Variants in PEX5L observed in about 807,000 individuals in gnomAD.
PEX5L encodes the protein peroxisomal biogenesis factor 5 like.
PEX5L carries 30 observed loss-of-function variants against 84.0 expected under a neutral mutation model. The observed-to-expected ratio is 0.36, with a 90% CI of 0.27 to 0.48. PEX5L has a LOEUF of 0.48. Among genes scored for constraint, PEX5L ranks in the 20% least tolerant of loss-of-function variants. The pLI is 0.99. For synonymous variants in PEX5L, 270 were observed against 283.1 expected, an observed-to-expected ratio of 0.95 and a Z score of 0.46; for missense variants, 533 against 754.6, an observed-to-expected ratio of 0.71 and a Z score of 3.44.
chr3:179,927,857 G>C (rs1351447845), intron 2 of PEX5L, among the ~76,000 whole-genome samples: 2 of 152,060 alleles, frequency 1.3e-5, no homozygotes, highest in Non-Finnish European at 2.9e-5. Context: ...TGTTTAAATG[G>C]GGGAAGTTTT....
intron 1 of PEX5L, among the ~76,000 whole-genome samples, chr3:180,007,982 C>T (rs1172922742): frequency 6.6e-6 from 1 of 152,220 alleles, no homozygotes; most frequent in Admixed American, 6.5e-5. Context: ...TAACATTAGG[C>T]TCCTTGCTAC....
chr3:179,941,048 T>C (rs1292988648), intron 2 of PEX5L, among the ~76,000 whole-genome samples: 1 of 152,164 alleles, frequency 6.6e-6, no homozygotes, highest in Non-Finnish European at 1.5e-5. Context: ...AAGATTGAAA[T>C]GTAACAGTGG....
At chr3:179,920,131 A>G (rs747106958) in intron 2 of PEX5L, among the ~76,000 whole-genome samples, 4 of 152,182 alleles carry the variant, frequency 2.6e-5, no homozygotes. Context: ...CTGCTCTCAC[A>G]TTTATTCTCT....
chr3:179,937,299 T>C (rs1490569213), intron 2 of PEX5L, among the ~76,000 whole-genome samples: 1 of 152,184 alleles, frequency 6.6e-6, no homozygotes, highest in Non-Finnish European at 1.5e-5. Flanking sequence ...TCATTAGTTG[T>C]AACAAATGTA....
intron 1 of PEX5L, among the ~76,000 whole-genome samples, chr3:180,034,026 T>C (rs764511135): frequency 1.3e-4 from 20 of 152,230 alleles, no homozygotes; most frequent in Non-Finnish European, 2.6e-4. Context: ...GAATTAGCCA[T>C]ATGTATGAGA....
At chr3:179,956,859 C>T (rs143446671) in intron 2 of PEX5L, among the ~76,000 whole-genome samples, 5,087 of 152,184 alleles carry the variant, frequency 0.033, 118 homozygotes, top group Non-Finnish European at 0.047. Flanking sequence ...GCAGAATTCA[C>T]GGTAAGTCAG....
At chr3:180,026,133 CTTTTTTTTT>C (rs368852075) in intron 1 of PEX5L, among the ~76,000 whole-genome samples, 1 of 101,762 alleles carries the variant, frequency 9.8e-6, no homozygotes, top group Non-Finnish European at 2.0e-5. Context: ...TTTCAGCATT[CTTTTTTTTT>C]TTTTTTTTTT....
Position 179,809,669 on chromosome 3 carries a change from C to CT in PEX5L, c.1155-2dup, listed in dbSNP as rs2108783300. On this transcript the variant is annotated splice_acceptor_variant, in intron 11 of 14. Transcript: ENST00000467460. LOFTEE classifies it high-confidence loss of function. Reference sequence around the variant, plus strand: ...GTTGTTGGGCTGTAATTCTAAGCACCTGAAAAAAAAAAAGAAGCCAATTTC... The same window carrying CT: ...GTTGTTGGGCTGTAATTCTAAGCACCTTGAAAAAAAAAAAGAAGCCAATTTC... 7.0e-7 allele frequency: 1 copy of CT among 1,428,796 alleles called. No homozygotes were observed. The highest frequency in any genetic ancestry group is 9.1e-7 in the Non-Finnish European group (1 of 1,094,440). 88.5% of individuals were successfully genotyped at this position (1,428,796 alleles called of 1,614,324 possible).
intron 1 of PEX5L, among the ~76,000 whole-genome samples, chr3:180,026,486 G>T (rs1316424724): frequency 3.9e-5 from 6 of 152,102 alleles, no homozygotes; most frequent in Non-Finnish European, 8.8e-5. Context: ...GGAGGAAAAA[G>T]ATGTTCTTAT....
chr3:179,826,727 GTTTCTTTTTC>G lies in PEX5L; in HGVS notation c.823-6761_823-6752del. On this transcript the variant is annotated intron_variant, in intron 8 of 14. Coordinates refer to ENST00000467460, the MANE Select transcript of PEX5L (RefSeq NM_016559.3). ...GGAGTGGGAGTCAGTTCCTGAATGG[GTTTCTTTTTC>G]TTTAGACATGTTTACAAGTCATGAA... Among the ~76,000 whole-genome samples, 2 of 152,232 alleles carry G rather than the reference GTTTCTTTTTC, an allele frequency of 1.3e-5. 1 individual carries two copies. Among genetic ancestry groups the G allele is most frequent in the South Asian group, 4.1e-4 (2 of 4,824 alleles).
At chr3:179,985,568 T>A (rs1786735081) in intron 1 of PEX5L, among the ~76,000 whole-genome samples, 1 of 151,942 alleles carries the variant, frequency 6.6e-6, no homozygotes, top group Non-Finnish European at 1.5e-5. Context: ...ATCACCACCT[T>A]TAATCACTTC....
chr3:179,923,450 G>C (rs114520618), intron 2 of PEX5L, among the ~76,000 whole-genome samples: 5 of 152,156 alleles, frequency 3.3e-5, no homozygotes, highest in Admixed American at 3.3e-4. Flanking sequence ...TGCAGCACCT[G>C]CATCAGCAGC....
chr3:179,835,902 C>T (rs1364256265), intron 8 of PEX5L, among the ~76,000 whole-genome samples: 1 of 152,066 alleles, frequency 6.6e-6, no homozygotes, highest in East Asian at 1.9e-4. Flanking sequence ...TATGAGAAAA[C>T]AATGATTTTT....
chr3:179,810,033 A>G (rs1455424353), intron 11 of PEX5L, among the ~76,000 whole-genome samples: 1 of 54,940 alleles, frequency 1.8e-5, no homozygotes, highest in Non-Finnish European at 3.5e-5. Flanking sequence ...TTTTTTTTTT[A>G]GACAGAGTCT....
At chr3:179,842,877 G>T (rs763206584) in intron 8 of PEX5L, among the ~76,000 whole-genome samples, 6 of 152,048 alleles carry the variant, frequency 3.9e-5, no homozygotes, top group Non-Finnish European at 7.4e-5. Context: ...CTTGGAAAGG[G>T]ACTTGTTAGG....
chr3:179,870,489 G>T (rs1413181276), intron 7 of PEX5L, among the ~76,000 whole-genome samples: 1 of 152,098 alleles, frequency 6.6e-6, no homozygotes, highest in Non-Finnish European at 1.5e-5. Context: ...TCCTTGTTGG[G>T]TGACACTGTG....
chr3:179,968,697 CTGTG>C (rs67094806), intron 2 of PEX5L, among the ~76,000 whole-genome samples: 1,926 of 144,060 alleles, frequency 0.013, 32 homozygotes, highest in African/African-American at 0.046. Flanking sequence ...ATTTAAATGA[CTGTG>C]TGTGTGTGTG....
At chr3:179,887,546 A>G (rs768306128) in intron 4 of PEX5L, 127 bp downstream of exon 4, 10 of 687,516 alleles carry the variant, frequency 1.5e-5, no homozygotes, top group Non-Finnish European at 2.6e-5. Flanking sequence ...TAAATAGTAT[A>G]CATTCTAAAG....
At chr3:179,822,867 G>C (rs1286696781) in intron 8 of PEX5L, among the ~76,000 whole-genome samples, 1 of 152,212 alleles carries the variant, frequency 6.6e-6, no homozygotes, top group Non-Finnish European at 1.5e-5. Flanking sequence ...TATGCAGCAT[G>C]GTGGTTAAGA....
Sources: allele counts gnomAD v4.1 joint callset (sites outside exome capture counted in the v4.1 genomes callset), GRCh38; gene constraint gnomAD v4.1.1; transcripts MANE v1.5; gene names NCBI Gene and HGNC (gene_info 2026-07-23, HGNC 2026-07-21).